Variants in NUMB observed in about 807,000 individuals in gnomAD.
NUMB encodes the protein NUMB endocytic adaptor protein.
In NUMB, 29 loss-of-function variants were observed where a neutral mutation model predicts 59.7. The ratio of observed to expected loss-of-function variants is 0.49; its 90% CI spans 0.36 to 0.66. NUMB has a LOEUF of 0.66. NUMB is among the 30% of genes least tolerant of loss of function. NUMB has a pLI of 0.00. For missense variants in NUMB, 723 were observed against 822.0 expected (o/e 0.88, Z 1.47); for synonymous variants, 288 against 288.2 (o/e 1.00, Z 0.01).
chr14:73,284,227 A>G lies in NUMB; in HGVS notation c.803T>C (p.Ile268Thr). The part of the protein sequence containing the change: ...PHAIPRRHAP[I>T]EQLARQGSFR... The stretch of plus-strand genomic sequence containing the variant: ...AGAGCCTTGGCGAGCAAGCTGTTCA[A>G]TTGGAGCATGCCGGCGTGGGATGGC... Residue 268 changes from isoleucine (I) to threonine (T), a missense_variant, in exon 10 of 13, where the codon ATT (isoleucine) becomes ACT (threonine). Transcript: ENST00000555238. 2 of 1,614,206 alleles carry G rather than the reference A, an allele frequency of 1.2e-6. No individual in the cohort carries two copies. Among genetic ancestry groups the G allele is most frequent in the Non-Finnish European group, 1.7e-6 (2 of 1,180,042 alleles).
chr14:73,406,779 C>T (rs989165446), intron 2 of NUMB, among the ~76,000 whole-genome samples: 4 of 152,232 alleles, frequency 2.6e-5, no homozygotes, highest in African/African-American at 7.2e-5. Context: ...TTTTAATGAT[C>T]ACCATTCTAA....
chr14:73,342,072 T>A (rs562752383), intron 4 of NUMB, among the ~76,000 whole-genome samples: 90 of 152,212 alleles, frequency 5.9e-4, no homozygotes, highest in Admixed American at 2.2e-3. Flanking sequence ...AAAAAAAAAA[T>A]TTGTTTTAGA....
intron 1 of NUMB, among the ~76,000 whole-genome samples, chr14:73,420,588 C>CG (rs1288420582): frequency 1.3e-5 from 2 of 152,072 alleles, no homozygotes; most frequent in Non-Finnish European, 2.9e-5. Flanking sequence ...GGGATGCCAA[C>CG]GCACGCGGAT....
intron 2 of NUMB, among the ~76,000 whole-genome samples, chr14:73,406,092 G>GTTTTATTTT (rs1555379349): frequency 9.3e-6 from 1 of 107,460 alleles, no homozygotes; most frequent in Non-Finnish European, 1.8e-5. Flanking sequence ...ACATATTTTT[G>GTTTTATTTT]TTTTTTTTTT....
chr14:73,287,439 C>A, intron 8 of NUMB, 125 bp from the exon 9 acceptor site: 1 of 813,784 alleles, frequency 1.2e-6, no homozygotes, highest in Non-Finnish European at 1.9e-6. Context: ...AGTGCAGTGG[C>A]GCAGTCTCTG....
intron 2 of NUMB, among the ~76,000 whole-genome samples, chr14:73,402,576 A>T: frequency 6.6e-6 from 1 of 152,194 alleles, no homozygotes; most frequent in East Asian, 1.9e-4. Flanking sequence ...ATGTCCACAT[A>T]CCAAACAATT....
At chr14:73,348,255 T>C (rs1893015671) in intron 4 of NUMB, among the ~76,000 whole-genome samples, 1 of 152,116 alleles carries the variant, frequency 6.6e-6, no homozygotes, top group Non-Finnish European at 1.5e-5. Context: ...TGTATATAAG[T>C]GTATGAGTTG....
chr14:73,368,514 C>T (rs1186602321), intron 2 of NUMB, among the ~76,000 whole-genome samples: 4 of 151,168 alleles, frequency 2.6e-5, no homozygotes, highest in Admixed American at 2.6e-4. Flanking sequence ...ACCTGGGAGG[C>T]GGAGGTTACA....
intron 2 of NUMB, among the ~76,000 whole-genome samples, chr14:73,395,037 TTG>T (rs3028731): frequency 0.052 from 6,259 of 119,610 alleles, 184 homozygotes; most frequent in Middle Eastern, 0.076. Context: ...ATTCGTGTGT[TTG>T]TGTGTGTGTG....
At chr14:73,358,622 T>G (rs1893940474) in intron 3 of NUMB, among the ~76,000 whole-genome samples, 1 of 122,836 alleles carries the variant, frequency 8.1e-6, no homozygotes, top group Admixed American at 9.1e-5. Context: ...TTTTTTTTTT[T>G]TTTGACAAGC....
chr14:73,447,668 A>G (rs529348616), intron 1 of NUMB, among the ~76,000 whole-genome samples: 1 of 150,218 alleles, frequency 6.7e-6, no homozygotes, highest in East Asian at 1.9e-4. Flanking sequence ...GAATGACCTC[A>G]TCTCTACAAA....
intron 1 of NUMB, among the ~76,000 whole-genome samples, chr14:73,427,326 A>G (rs1160979695): frequency 6.6e-6 from 1 of 151,926 alleles, no homozygotes; most frequent in African/African-American, 2.4e-5. Context: ...TTAGCCGGGC[A>G]TGGTCGCACA....
At chr14:73,327,709 A>G (rs1326856414) in intron 4 of NUMB, among the ~76,000 whole-genome samples, 1 of 152,216 alleles carries the variant, frequency 6.6e-6, no homozygotes, top group East Asian at 1.9e-4. Flanking sequence ...AGATGACTCT[A>G]GCTCATATAC....
intron 4 of NUMB, among the ~76,000 whole-genome samples, chr14:73,338,836 C>T (rs1362899310): frequency 6.6e-6 from 1 of 152,190 alleles, no homozygotes; most frequent in East Asian, 1.9e-4. Context: ...CACTTAGAAA[C>T]TTACTCATAA....
intron 2 of NUMB, among the ~76,000 whole-genome samples, chr14:73,384,734 TTTTG>T (rs111381820): frequency 4.2e-4 from 56 of 133,210 alleles, no homozygotes; most frequent in Non-Finnish European, 5.1e-4. Flanking sequence ...CGCCTGGCTT[TTTTG>T]TTTGTTTGTT....
chr14:73,425,069 T>C (rs775409552), intron 1 of NUMB, among the ~76,000 whole-genome samples: 1 of 152,174 alleles, frequency 6.6e-6, no homozygotes, highest in Non-Finnish European at 1.5e-5. Flanking sequence ...ACCACTTTAT[T>C]TTCTCCCTCA....
At chr14:73,440,872 C>A (rs1248007555) in intron 1 of NUMB, among the ~76,000 whole-genome samples, 2 of 142,012 alleles carry the variant, frequency 1.4e-5, no homozygotes, top group Non-Finnish European at 3.0e-5. Context: ...AGCGTGGTGG[C>A]TCCTGGGTCA....
At chr14:73,394,637 C>A (rs1045957900) in intron 2 of NUMB, among the ~76,000 whole-genome samples, 9 of 149,002 alleles carry the variant, frequency 6.0e-5, no homozygotes, top group Non-Finnish European at 1.2e-4. Context: ...CAAGGGATCT[C>A]CAGAACTTAT....
intron 4 of NUMB, 37 bp from the exon 5 acceptor site, chr14:73,323,241 T>G: frequency 7.2e-7 from 1 of 1,388,900 alleles, no homozygotes; most frequent in Non-Finnish European, 1.0e-6. Context: ...TATTGCTATG[T>G]TTACCAAGTA....
Sources: gnomAD v4.1 joint callset for allele counts (sites outside exome capture counted in the v4.1 genomes callset) on GRCh38, gnomAD v4.1.1 for gene constraint, MANE v1.5 for transcripts, NCBI Gene and HGNC (gene_info 2026-07-23, HGNC 2026-07-21) for gene names.